The following TSPAN9 variants were observed in gnomAD, a reference collection of about 807,000 sequenced individuals.
TSPAN9 encodes the protein tetraspanin 9, also known as tetraspanin-9.
A neutral mutation model predicts 31.0 loss-of-function variants in TSPAN9; 16 were observed. That is an observed-to-expected ratio of 0.52 (90% confidence interval 0.35 to 0.78). The LOEUF is 0.78. TSPAN9 is among the 30% of genes least tolerant of loss of function. The pLI, the probability that TSPAN9 is intolerant of heterozygous loss-of-function variation, is 0.01. For missense variants in TSPAN9, 272 were observed against 312.5 expected, an observed-to-expected ratio of 0.87 and a Z score of 0.98; for synonymous variants, 145 against 121.6, an observed-to-expected ratio of 1.19 and a Z score of -1.27.
chr12:3,120,439 G>A (rs2098324535), intron 2 of TSPAN9, among the ~76,000 whole-genome samples: 1 of 152,146 alleles, frequency 6.6e-6, no homozygotes, highest in Non-Finnish European at 1.5e-5. Context: ...TTCCCCTGGA[G>A]CCTGCTCTCC....
At chr12:3,248,798 G>A (rs534644799) in intron 3 of TSPAN9, among the ~76,000 whole-genome samples, 14 of 152,282 alleles carry the variant, frequency 9.2e-5, no homozygotes, top group South Asian at 8.3e-4. Context: ...TACATCTGGT[G>A]TCTCCATAAA....
chr12:3,258,010 A>C (rs1862381538), intron 3 of TSPAN9, among the ~76,000 whole-genome samples: 1 of 152,202 alleles, frequency 6.6e-6, no homozygotes, highest in Non-Finnish European at 1.5e-5. Context: ...TAAGATGTTC[A>C]CAATGGGGCT....
In TSPAN9 at chr12:3,129,854, C is replaced by T. The variant is rs968535601; in HGVS notation, c.-18+46135C>T. Among the ~76,000 whole-genome samples the T allele has an allele frequency of 2.6e-5, 4 of 152,114 alleles. No individual in the cohort carries two copies. The East Asian group carries it at 5.8e-4, about 22-fold the overall frequency. On this transcript the variant is annotated intron_variant, in intron 2 of 8. Transcript: ENST00000011898. ...GGCGTCCCTGGGGCCAGCTGTCCCTCGGGGAAGCAGTGACGGGAGCCTGGC... is the reference window on the plus strand; with the variant it reads ...GGCGTCCCTGGGGCCAGCTGTCCCTTGGGGAAGCAGTGACGGGAGCCTGGC...
intron 2 of TSPAN9, among the ~76,000 whole-genome samples, chr12:3,144,537 C>A (rs60277119): frequency 0.029 from 4,419 of 152,308 alleles, 216 homozygotes; most frequent in African/African-American, 0.1. Context: ...AAGGATCTTC[C>A]CCTAGAGGCT....
intron 2 of TSPAN9, among the ~76,000 whole-genome samples, chr12:3,153,250 G>A (rs1194316275): frequency 6.6e-6 from 1 of 152,062 alleles, no homozygotes; most frequent in Non-Finnish European, 1.5e-5. Flanking sequence ...GAGCTATTGG[G>A]CATTTTAAAA....
chr12:3,212,046 A>G (rs1022387622), intron 3 of TSPAN9: 6 of 599,630 alleles, frequency 1.0e-5, no homozygotes, highest in South Asian at 8.8e-5. Flanking sequence ...ATCTCAGCTC[A>G]TCGGAACCTC....
intron 3 of TSPAN9, among the ~76,000 whole-genome samples, chr12:3,272,630 G>A (rs182226126): frequency 6.6e-6 from 1 of 152,196 alleles, no homozygotes; most frequent in East Asian, 1.9e-4. Flanking sequence ...GTCCTCTGCT[G>A]TGGGCCCGGC....
rs562492759 is a variant in TSPAN9 at position 3,218,046 on chromosome 12, A to C, written c.63+16790A>C. Among the ~76,000 whole-genome samples the C allele has an allele frequency of 6.6e-5, 10 of 152,154 alleles. No homozygotes were observed. The East Asian group carries it at 1.9e-3, about 29-fold the overall frequency. On this transcript the variant is annotated intron_variant, in intron 3 of 8. Transcript: ENST00000011898. Reference sequence around the variant, plus strand: ...TGGGGCCAGCTGAGTTTTGCATGGGATAATGATACCCTCTGGGGTGGCATA... The same window carrying C: ...TGGGGCCAGCTGAGTTTTGCATGGGCTAATGATACCCTCTGGGGTGGCATA...
At chr12:3,204,420 TG>T (rs1458352692) in intron 3 of TSPAN9, among the ~76,000 whole-genome samples, 3 of 152,082 alleles carry the variant, frequency 2.0e-5, no homozygotes, top group Non-Finnish European at 4.4e-5. Flanking sequence ...GTGACATCAC[TG>T]GGGGTAGGTT....
At chr12:3,139,518 G>A (rs2098333742) in intron 2 of TSPAN9, among the ~76,000 whole-genome samples, 2 of 152,252 alleles carry the variant, frequency 1.3e-5, no homozygotes, top group Non-Finnish European at 2.9e-5. Flanking sequence ...TTGGCCTAAT[G>A]CTCAGCCTCA....
Position 3,205,728 on chromosome 12 carries a change from C to G in TSPAN9, c.63+4472C>G, listed in dbSNP as rs928759637. 4.0e-5 allele frequency among the ~76,000 whole-genome samples: 6 copies of G among 151,528 alleles called. No individual in the cohort carries two copies. In the East Asian group the frequency reaches 5.9e-4, roughly 15 times the overall value. ...GCAAGAGGCACTTAGGCCCCCCCCC[C>G]CCAGAGTGCTCAGGTGTGAGGGGTT... On this transcript the variant is annotated intron_variant, in intron 3 of 8. Coordinates refer to ENST00000011898, the MANE Select transcript of TSPAN9 (RefSeq NM_006675.5).
At chr12:3,102,511 T>A (rs2098312326) in intron 2 of TSPAN9, among the ~76,000 whole-genome samples, 1 of 149,272 alleles carries the variant, frequency 6.7e-6, no homozygotes, top group Non-Finnish European at 1.5e-5. Context: ...CTCAGCTCAC[T>A]ACAAGCTCCG....
intron 2 of TSPAN9, among the ~76,000 whole-genome samples, chr12:3,121,339 CAG>C (rs143620301): frequency 0.62 from 82,361 of 131,804 alleles, 25,959 homozygotes; most frequent in Admixed American, 0.73. Flanking sequence ...TTTTTCAAAA[CAG>C]GGGATGTTGG....
rs74390038 is a variant in TSPAN9, at chr12:3,212,639, G to A, written c.63+11383G>A. On this transcript the variant is annotated intron_variant, in intron 3 of 8. Coordinates refer to ENST00000011898, the MANE Select transcript of TSPAN9 (RefSeq NM_006675.5). ...GGTTCAGCTGAGCTCTTGTGCACAC[G>A]CACTGCAGACCTGATGAGGGAATGG... 8.5e-3 allele frequency among the ~76,000 whole-genome samples: 1,289 copies of A among 152,266 alleles called. 10 individuals carry two copies. The highest frequency in any genetic ancestry group is 0.022 in the South Asian group (104 of 4,822).
intron 3 of TSPAN9, among the ~76,000 whole-genome samples, chr12:3,236,219 C>G (rs2098393669): frequency 1.3e-5 from 2 of 152,370 alleles, no homozygotes; most frequent in South Asian, 4.1e-4. Flanking sequence ...CTTAATGTCT[C>G]TGAGCGTCAT....
chr12:3,179,219 A>G (rs758893853), intron 2 of TSPAN9, among the ~76,000 whole-genome samples: 1 of 151,670 alleles, frequency 6.6e-6, no homozygotes, highest in Non-Finnish European at 1.5e-5. Context: ...ACAGGAAGGC[A>G]CCTCCCAAAG....
At position 3,087,401 on chromosome 12, in the gene TSPAN9, C is replaced by G. The variant is rs543487573; in HGVS notation, c.-18+3682C>G. On this transcript the variant is annotated intron_variant, in intron 2 of 8. Transcript: ENST00000011898. ...AATCAGTGTGTGCCTGTAGTCCCAG[C>G]TACTCAGGAGGCTGAGGCAGGAGGA... Among the ~76,000 whole-genome samples the G allele has an allele frequency of 3.9e-5, 6 of 152,264 alleles. 1 individual carries two copies. In the South Asian group the frequency reaches 1.2e-3, roughly 32 times the overall value.
intron 2 of TSPAN9, among the ~76,000 whole-genome samples, chr12:3,198,612 T>C (rs377028074): frequency 1.7e-3 from 66 of 38,844 alleles, no homozygotes; most frequent in African/African-American, 2.8e-3. Context: ...CCAGCACAGG[T>C]CACCACCAGC....
intron 2 of TSPAN9, among the ~76,000 whole-genome samples, chr12:3,179,088 G>T (rs1483121156): frequency 1.3e-5 from 2 of 152,140 alleles, no homozygotes; most frequent in African/African-American, 4.8e-5. Context: ...GTCAATGTTG[G>T]CATTAGACAG....
Sources: gnomAD v4.1 joint callset for allele counts (sites outside exome capture counted in the v4.1 genomes callset) on GRCh38, gnomAD v4.1.1 for gene constraint, MANE v1.5 for transcripts, NCBI Gene and HGNC (gene_info 2026-07-23, HGNC 2026-07-21) for gene names.